SEC24B: variants seen among roughly 807,000 people sequenced by gnomAD.
The protein encoded by SEC24B is SEC24 homolog B, COPII component.
Under a neutral mutation model 142.8 loss-of-function variants are expected in SEC24B, and 45 were observed. That is an observed-to-expected ratio of 0.32 (90% CI 0.25 to 0.40). The LOEUF is 0.40. SEC24B is among the 10% of genes least tolerant of loss of function. The probability of loss-of-function intolerance (pLI) is 1.00; values close to 1 mark genes in which losing one functional copy is unlikely to be tolerated. For synonymous variants in SEC24B, 574 were observed against 568.2 expected (o/e 1.01, Z -0.15); for missense variants, 1,409 against 1,526.8 (o/e 0.92, Z 1.29).
chr4:109,494,487 A>T, intron 5 of SEC24B, 128 bp from the exon 6 acceptor site: 2 of 1,218,308 alleles, frequency 1.6e-6, no homozygotes, highest in Non-Finnish European at 2.3e-6. Flanking sequence ...TGTGTGTCCA[A>T]AATTTCTTAG....
At chr4:109,496,774 C>T (rs1305931651) in intron 6 of SEC24B, among the ~76,000 whole-genome samples, 2 of 152,204 alleles carry the variant, frequency 1.3e-5, no homozygotes, top group Non-Finnish European at 2.9e-5. Flanking sequence ...ACAGATTTCT[C>T]TGCCTCCCAT....
intron 4 of SEC24B, among the ~76,000 whole-genome samples, chr4:109,490,845 G>C (rs937493865): frequency 6.6e-6 from 1 of 152,076 alleles, no homozygotes; most frequent in African/African-American, 2.4e-5. Flanking sequence ...TAGCATGCCA[G>C]ATAGCAACCT....
chr4:109,507,185 T>C (rs1025315375), intron 7 of SEC24B, among the ~76,000 whole-genome samples: 5 of 152,164 alleles, frequency 3.3e-5, no homozygotes, highest in African/African-American at 1.2e-4. Context: ...CCCCTGGTCC[T>C]AGTTTTTTTC....
At position 109,520,385 on chromosome 4, in the gene SEC24B, A is replaced by G; in HGVS notation, c.2146A>G (p.Thr716Ala). ...CTTTAGGCTTCCTGGAGATTCACGA[A>G]CAAGAATAGGATTCATGACCTTTGA... ...NLDKLPGDSR[T>A]RIGFMTFDST... The change falls in exon 12 of 24, where the codon ACA (threonine) becomes GCA (alanine). Residue 716 changes from threonine to alanine, a missense_variant. Physicochemically the swap from Thr to Ala is moderately conservative, Grantham distance 58. Transcript: ENST00000265175. The G allele has an allele frequency of 6.2e-7, 1 of 1,607,084 alleles. No homozygotes were observed. Among genetic ancestry groups the G allele is most frequent in the Non-Finnish European group, 8.5e-7 (1 of 1,175,696 alleles).
intron 2 of SEC24B, among the ~76,000 whole-genome samples, chr4:109,467,898 A>G (rs1035580932): frequency 6.6e-6 from 1 of 152,236 alleles, no homozygotes; most frequent in Admixed American, 6.5e-5. Context: ...AGTAAAAATA[A>G]TAAGTGTTTA....
intron 6 of SEC24B, among the ~76,000 whole-genome samples, chr4:109,496,351 G>A (rs891897975): frequency 1.3e-5 from 2 of 152,148 alleles, no homozygotes; most frequent in African/African-American, 4.8e-5. Flanking sequence ...GACCTCAAGT[G>A]ATCCGCCTGC....
chr4:109,449,622 C>A, intron 1 of SEC24B: 1 of 420,650 alleles, frequency 2.4e-6, no homozygotes, highest in South Asian at 1.7e-5. Flanking sequence ...CACCTTGTCA[C>A]TGTGTGCTCA....
At chr4:109,533,993 C>T (rs531868994) in intron 22 of SEC24B, among the ~76,000 whole-genome samples, 5 of 151,780 alleles carry the variant, frequency 3.3e-5, no homozygotes, top group African/African-American at 9.6e-5. Context: ...TGGCTTCTTT[C>T]ACTTTCCTTA....
intron 1 of SEC24B, among the ~76,000 whole-genome samples, chr4:109,461,243 G>C (rs1450623766): frequency 6.6e-6 from 1 of 152,176 alleles, no homozygotes; most frequent in Non-Finnish European, 1.5e-5. Flanking sequence ...TATATAGTCA[G>C]TATTGGGACA....
intron 2 of SEC24B, among the ~76,000 whole-genome samples, chr4:109,465,843 TGTAGGCAGAGAG>T (rs1378973577): frequency 2.4e-4 from 37 of 152,214 alleles, no homozygotes; most frequent in African/African-American, 8.7e-4. Flanking sequence ...TAATGGGTCC[TGTAGGCAGAGAG>T]GCAGGATATA....
intron 1 of SEC24B, among the ~76,000 whole-genome samples, chr4:109,436,261 CTT>C (rs1371931218): frequency 6.6e-6 from 1 of 151,460 alleles, no homozygotes; most frequent in Non-Finnish European, 1.5e-5. Context: ...GATTAAATCT[CTT>C]TTTGTTTTGT....
intron 7 of SEC24B, among the ~76,000 whole-genome samples, chr4:109,509,655 C>G (rs1300581425): frequency 7.5e-6 from 1 of 133,952 alleles, no homozygotes. Context: ...CCAGCCTGGG[C>G]GACAGAGCAA....
Position 109,525,195 on chromosome 4 carries a change from T to C in SEC24B, c.2633-151T>C. Reference sequence around the variant, plus strand: ...AACTTTATCATATATTTTATAGATATTACTGTTTTCTCAGATTTGTATGTT... The same window carrying C: ...AACTTTATCATATATTTTATAGATACTACTGTTTTCTCAGATTTGTATGTT... On this transcript the variant is annotated intron_variant, in intron 15 of 23. Transcript: ENST00000265175. 7.3e-6 allele frequency: 5 copies of C among 686,172 alleles called. No homozygotes were observed. The South Asian group carries it at 1.2e-4, about 16-fold the overall frequency. The allele number at this position is 686,172 out of a possible 1,614,324, so 42.5% of individuals were successfully genotyped here.
intron 1 of SEC24B, among the ~76,000 whole-genome samples, chr4:109,439,721 G>A (rs1416625547): frequency 6.7e-6 from 1 of 149,990 alleles, no homozygotes; most frequent in Non-Finnish European, 1.5e-5. Context: ...GGCTGGTCTT[G>A]AACTGCTGAC....
chr4:109,530,590 G>C, intron 19 of SEC24B, 126 bp downstream of exon 19: 3 of 800,808 alleles, frequency 3.7e-6, no homozygotes, highest in Non-Finnish European at 1.9e-6. Context: ...AGCATTGAAA[G>C]AGTTTTGAAG....
At chr4:109,461,566 A>G (rs1205158697) in intron 1 of SEC24B, among the ~76,000 whole-genome samples, 1 of 152,230 alleles carries the variant, frequency 6.6e-6, no homozygotes, top group Non-Finnish European at 1.5e-5. Context: ...ATATTAAGTA[A>G]AAGCAAGTTG....
At chr4:109,516,500 T>C in intron 10 of SEC24B, 28 bp from the exon 11 acceptor site, 1 of 1,386,772 alleles carries the variant, frequency 7.2e-7, no homozygotes, top group Non-Finnish European at 1.0e-6. Flanking sequence ...ACCTACCAAA[T>C]AACTTACTTT....
intron 9 of SEC24B, among the ~76,000 whole-genome samples, chr4:109,512,802 C>T (rs1221365256): frequency 6.6e-6 from 1 of 151,464 alleles, no homozygotes; most frequent in Non-Finnish European, 1.5e-5. Flanking sequence ...GCTGAGACTA[C>T]AGGCTTGCAC....
intron 19 of SEC24B, among the ~76,000 whole-genome samples, chr4:109,531,051 G>A (rs1175681638): frequency 6.6e-6 from 1 of 152,094 alleles, no homozygotes; most frequent in Non-Finnish European, 1.5e-5. Flanking sequence ...TATGTCCTCT[G>A]GAAAGAGACT....
Sources: gnomAD v4.1 joint callset for allele counts (sites outside exome capture counted in the v4.1 genomes callset) on GRCh38, gnomAD v4.1.1 for gene constraint, MANE v1.5 for transcripts, NCBI Gene and HGNC (gene_info 2026-07-23, HGNC 2026-07-21) for gene names.